ASTN2: variants seen among roughly 807,000 people sequenced by gnomAD.
ASTN2 encodes the protein astrotactin 2.
In ASTN2, 54 loss-of-function variants were observed where a neutral mutation model predicts 139.8. That is an observed-to-expected ratio of 0.39 (90% CI 0.31 to 0.48). The LOEUF (loss-of-function observed/expected upper bound fraction) is 0.48, where lower values mean the gene tolerates loss of function less well. ASTN2 is among the 20% of genes least tolerant of loss of function. The pLI is 0.95. For missense variants in ASTN2, 1,565 were observed against 1,725.1 expected (o/e 0.91, Z 1.64); for synonymous variants, 756 against 719.5 (o/e 1.05, Z -0.81).
Position 116,674,981 on chromosome 9 carries a change from C to A in ASTN2, c.2807-23188G>T, listed in dbSNP as rs531524832. 6.6e-5 allele frequency among the ~76,000 whole-genome samples: 10 copies of A among 152,244 alleles called. No homozygotes were observed. In the East Asian group the frequency reaches 1.5e-3, roughly 24 times the overall value. On this transcript the variant is annotated intron_variant, in intron 16 of 22. Transcript: ENST00000313400. ...ATTACTCTTTCTCCATTGCAATTCC[C>A]GTCTTGATGAATCGGCTCTGTCTAC...
intron 19 of ASTN2, among the ~76,000 whole-genome samples, chr9:116,519,550 A>G (rs1282315682): frequency 6.6e-6 from 1 of 152,108 alleles, no homozygotes; most frequent in East Asian, 1.9e-4. Context: ...TGCCTACATC[A>G]AAAGTCTGAA....
intron 19 of ASTN2, among the ~76,000 whole-genome samples, chr9:116,588,794 G>T (rs1237665590): frequency 6.6e-6 from 1 of 151,998 alleles, no homozygotes; most frequent in Non-Finnish European, 1.5e-5. Flanking sequence ...AAAAATGGCT[G>T]GATTATCCAC....
chr9:116,441,344 A>G (rs906318790), intron 21 of ASTN2, among the ~76,000 whole-genome samples: 2 of 151,976 alleles, frequency 1.3e-5, no homozygotes, highest in Non-Finnish European at 2.9e-5. Flanking sequence ...CATGAGTAGA[A>G]GGCATATTCT....
At chr9:116,483,614 A>G (rs1251858867) in intron 20 of ASTN2, among the ~76,000 whole-genome samples, 1 of 152,216 alleles carries the variant, frequency 6.6e-6, no homozygotes, top group South Asian at 2.1e-4. Flanking sequence ...CAAAGACAGG[A>G]AGTCATATAG....
At chr9:116,685,311 A>G (rs566423760) in intron 16 of ASTN2, among the ~76,000 whole-genome samples, 2 of 152,112 alleles carry the variant, frequency 1.3e-5, no homozygotes, top group South Asian at 2.1e-4. Flanking sequence ...GCTTCCCCCA[A>G]CCCACCAAGT....
At chr9:117,023,245 C>T (rs1191951918) in intron 6 of ASTN2, among the ~76,000 whole-genome samples, 2 of 152,108 alleles carry the variant, frequency 1.3e-5, no homozygotes, top group African/African-American at 2.4e-5. Flanking sequence ...AAAGAGAATG[C>T]CCATTCCACA....
At chr9:116,963,610 TC>T (rs1356219498) in intron 10 of ASTN2, among the ~76,000 whole-genome samples, 1 of 152,096 alleles carries the variant, frequency 6.6e-6, no homozygotes, top group Non-Finnish European at 1.5e-5. Context: ...CCAGAAAGTG[TC>T]CACGACGATA....
At chr9:117,005,275 G>T (rs1370060119) in intron 7 of ASTN2, among the ~76,000 whole-genome samples, 1 of 148,378 alleles carries the variant, frequency 6.7e-6, no homozygotes, top group African/African-American at 2.5e-5. Flanking sequence ...TATTTTAGTA[G>T]ACAGGGTTTC....
chr9:116,477,517 G>T (rs1287269409), intron 20 of ASTN2, among the ~76,000 whole-genome samples: 1 of 151,564 alleles, frequency 6.6e-6, no homozygotes, highest in Non-Finnish European at 1.5e-5. Context: ...CCCAGAATCA[G>T]ATAATAGGCA....
chr9:116,777,894 G>C lies in ASTN2; in HGVS notation c.2396+27738C>G, dbSNP rs539222435. ...ACATGGAGTCTGTTGTCAGGCTGGA[G>C]TACAGTGGTGCAGTCTCGGCTCACT... On this transcript the variant is annotated intron_variant, in intron 13 of 22. Transcript: ENST00000313400. Among the ~76,000 whole-genome samples, 201 of 152,178 alleles carry C rather than the reference G, an allele frequency of 1.3e-3. 1 individual carries two copies. The highest frequency in any genetic ancestry group is 2.3e-3 in the South Asian group (11 of 4,816).
chr9:117,379,276 G>C (rs765376576), intron 1 of ASTN2, among the ~76,000 whole-genome samples: 7 of 152,174 alleles, frequency 4.6e-5, no homozygotes, highest in Non-Finnish European at 7.4e-5. Flanking sequence ...GGCGTAGGCA[G>C]CGAAAAAGGC....
intron 17 of ASTN2, among the ~76,000 whole-genome samples, chr9:116,647,883 G>A (rs2131914538): frequency 6.6e-6 from 1 of 152,290 alleles, no homozygotes; most frequent in South Asian, 2.1e-4. Flanking sequence ...CACAATCACA[G>A]CTCACTGAAG....
chr9:117,169,517 G>C (rs1207751133), intron 3 of ASTN2, among the ~76,000 whole-genome samples: 1 of 152,132 alleles, frequency 6.6e-6, no homozygotes, highest in Non-Finnish European at 1.5e-5. Flanking sequence ...CTTCCAAACA[G>C]AGGGTATTAA....
chr9:117,027,859 A>C (rs1183806875), intron 6 of ASTN2, among the ~76,000 whole-genome samples: 1 of 152,066 alleles, frequency 6.6e-6, no homozygotes, highest in East Asian at 1.9e-4. Context: ...ATTTTTGGCT[A>C]TTGTTATGCC....
chr9:116,936,128 C>CAGCACCACAACCAT (rs1835064891), intron 10 of ASTN2, among the ~76,000 whole-genome samples: 1 of 526 alleles, frequency 1.9e-3, no homozygotes, highest in African/African-American at 9.8e-3. Flanking sequence ...ACCACTACCA[C>CAGCACCACAACCAT]CACCACCACT....
At chr9:116,914,137 T>C (rs1588407144) in intron 10 of ASTN2, among the ~76,000 whole-genome samples, 1 of 151,592 alleles carries the variant, frequency 6.6e-6, no homozygotes, top group African/African-American at 2.4e-5. Context: ...AGGATATGGC[T>C]AGAAGAACTC....
At chr9:116,977,720 T>TTC (rs1836388369) in intron 7 of ASTN2, among the ~76,000 whole-genome samples, 1 of 146,058 alleles carries the variant, frequency 6.8e-6, no homozygotes, top group African/African-American at 2.5e-5. Flanking sequence ...TTTTTCTTTT[T>TTC]TTTTTTTTTT....
intron 10 of ASTN2, among the ~76,000 whole-genome samples, chr9:116,931,756 A>T (rs1209678927): frequency 1.3e-5 from 2 of 152,174 alleles, no homozygotes; most frequent in African/African-American, 4.8e-5. Flanking sequence ...TAATACTAAG[A>T]CATACAAATA....
intron 17 of ASTN2, among the ~76,000 whole-genome samples, chr9:116,643,367 C>T (rs1351782315): frequency 6.6e-6 from 1 of 152,122 alleles, no homozygotes; most frequent in Non-Finnish European, 1.5e-5. Flanking sequence ...AGCTTTGCAC[C>T]CCATACTGTT....
Sources: gnomAD v4.1 joint callset for allele counts (sites outside exome capture counted in the v4.1 genomes callset) on GRCh38, gnomAD v4.1.1 for gene constraint, MANE v1.5 for transcripts, NCBI Gene and HGNC (gene_info 2026-07-23, HGNC 2026-07-21) for gene names.